The following FBLN2 variants were observed in gnomAD, a reference collection of about 807,000 sequenced individuals.
FBLN2 encodes fibulin 2.
A neutral mutation model predicts 123.7 loss-of-function variants in FBLN2; 81 were observed. The ratio of observed to expected loss-of-function variants is 0.65; its 90% confidence interval spans 0.55 to 0.79. FBLN2 has a LOEUF of 0.79. FBLN2 is among the 30% of genes least tolerant of loss of function. The pLI is 0.00. For synonymous variants in FBLN2, 699 were observed against 701.4 expected, an observed-to-expected ratio of 1.00 and a Z score of 0.05; for missense variants, 1,603 against 1,681.3, an observed-to-expected ratio of 0.95 and a Z score of 0.81.
chr3:13,578,297 CTCAGAGCATTG>C (rs1446384229), intron 2 of FBLN2, among the ~76,000 whole-genome samples: 2 of 152,192 alleles, frequency 1.3e-5, no homozygotes, highest in African/African-American at 4.8e-5. Context: ...AGAATCTAAT[CTCAGAGCATTG>C]TCATCACTCC....
intron 2 of FBLN2, among the ~76,000 whole-genome samples, chr3:13,573,485 G>T (rs1351851449): frequency 6.6e-6 from 1 of 152,068 alleles, no homozygotes; most frequent in Non-Finnish European, 1.5e-5. Context: ...TGTGACTGCT[G>T]GGGTCTCTAT....
In FBLN2 at chr3:13,567,291, C is replaced by T. The variant is rs28391480; in HGVS notation, c.-41-3024C>T. 9.5e-3 allele frequency among the ~76,000 whole-genome samples: 1,449 copies of T among 152,304 alleles called. 27 individuals are homozygous for T. Among genetic ancestry groups the T allele is most frequent in the African/African-American group, 0.033 (1,355 of 41,576 alleles). ...GGGGTACTGTCCTCTCAGGACACAA[C>T]GTTCATGCCTAGGTGTGTGATGCAC... is the stretch of plus-strand genomic sequence containing the variant. On this transcript the variant is annotated intron_variant, in intron 1 of 17. Coordinates refer to ENST00000404922, the MANE Select transcript of FBLN2 (RefSeq NM_001004019.2).
At chr3:13,591,210 A>G (rs1378466056) in intron 2 of FBLN2, among the ~76,000 whole-genome samples, 1 of 152,214 alleles carries the variant, frequency 6.6e-6, no homozygotes, top group African/African-American at 2.4e-5. Context: ...TCATTTGCCT[A>G]TTTTAAAATT....
chr3:13,636,066 T>C (rs147778982), intron 16 of FBLN2, among the ~76,000 whole-genome samples: 152 of 152,206 alleles, frequency 1.0e-3, no homozygotes, highest in African/African-American at 3.3e-3. Context: ...GCAAAGGCCC[T>C]GGGTAGGATA....
rs573052769 is a variant in FBLN2, at chr3:13,630,701, G to A, written c.2971G>A (p.Val991Met). Residue 991 changes from valine (V) to methionine (M), a missense_variant and splice_region_variant, in exon 15 of 18, where the codon GTG (valine) becomes ATG (methionine). Coordinates refer to ENST00000404922, the MANE Select transcript of FBLN2 (RefSeq NM_001004019.2). ...LAADGKRCED[V>M]NECEAQRCSQ... Reference sequence around the variant, plus strand: ...ACTGCCTGCTGGTGTCCCTGCAGACGTGAATGAGTGTGAGGCCCAGCGCTG... The same window carrying A: ...ACTGCCTGCTGGTGTCCCTGCAGACATGAATGAGTGTGAGGCCCAGCGCTG... 2.1e-5 allele frequency: 33 copies of A among 1,600,826 alleles called. No homozygotes were observed. The South Asian group carries it at 2.6e-4, about 13-fold the overall frequency.
intron 1 of FBLN2, among the ~76,000 whole-genome samples, chr3:13,553,737 G>T (rs1703390179): frequency 6.6e-6 from 1 of 152,230 alleles, no homozygotes; most frequent in African/African-American, 2.4e-5. Context: ...GGGCTGTATT[G>T]TAGGCGGCCA....
At chr3:13,586,876 G>C (rs1395813573) in intron 2 of FBLN2, among the ~76,000 whole-genome samples, 1 of 151,152 alleles carries the variant, frequency 6.6e-6, no homozygotes, top group Non-Finnish European at 1.5e-5. Context: ...GGCTGGGTGC[G>C]GTGGCTTATG....
chr3:13,574,859 C>G (rs2124831048), intron 2 of FBLN2, among the ~76,000 whole-genome samples: 1 of 152,314 alleles, frequency 6.6e-6, no homozygotes, highest in African/African-American at 2.4e-5. Context: ...GCCCGATCCC[C>G]CACCCGCTGG....
chr3:13,587,539 C>T (rs759292054), intron 2 of FBLN2, among the ~76,000 whole-genome samples: 6 of 152,156 alleles, frequency 3.9e-5, no homozygotes, highest in Non-Finnish European at 7.4e-5. Flanking sequence ...TTCTAAGGCC[C>T]CCCGCCACCA....
rs917180073 is a variant in FBLN2, at chr3:13,618,067, C to T, written c.1730-9C>T. On this transcript the variant is annotated splice_polypyrimidine_tract_variant and intron_variant, in intron 5 of 17. Coordinates refer to ENST00000404922, the MANE Select transcript of FBLN2 (RefSeq NM_001004019.2). The stretch of plus-strand genomic sequence containing the variant: ...CTGGCTCTGTCTTGAGCTCTAACCC[C>T]TGTCCTAGTTTCAGAGGCAGAGATG... 8.1e-6 allele frequency: 13 copies of T among 1,612,468 alleles called. No homozygotes were observed. Among genetic ancestry groups the T allele is most frequent in the Non-Finnish European group, 1.1e-5 (13 of 1,179,782 alleles).
chr3:13,631,298 G>A (rs767279869), intron 15 of FBLN2, 31 bp from the exon 16 acceptor site: 1 of 1,592,604 alleles, frequency 6.3e-7, no homozygotes, highest in Non-Finnish European at 8.5e-7. Flanking sequence ...GGTGGACGAG[G>A]TTCACCAGGG....
At position 13,637,814 on chromosome 3, in the gene FBLN2, G is replaced by A; in HGVS notation, c.3591G>A (p.Glu1197=). The change falls in exon 18 of 18, where the codon GAG becomes GAA. Residue 1197 remains glutamate, a synonymous_variant. Transcript: ENST00000404922. ...TCTACCTGCAGCGGGCCGTGCTGGA[G>A]CCCCGGGACTTTGCCCTGGACGTGG... ...GVVYLQRAVL[E]PRDFALDVEM... 6.2e-7 allele frequency: 1 copy of A among 1,613,802 alleles called. No homozygotes were observed. Among genetic ancestry groups the A allele is most frequent in the Non-Finnish European group, 8.5e-7 (1 of 1,179,774 alleles).
chr3:13,577,650 G>C (rs532844474), intron 2 of FBLN2, among the ~76,000 whole-genome samples: 1 of 152,346 alleles, frequency 6.6e-6, no homozygotes, highest in South Asian at 2.1e-4. Context: ...CATCCTCTCT[G>C]TTGTCAGTAC....
chr3:13,558,773 CCA>C (rs1703530029), intron 1 of FBLN2, among the ~76,000 whole-genome samples: 3 of 6,676 alleles, frequency 4.5e-4, no homozygotes, highest in Non-Finnish European at 9.7e-4. Flanking sequence ...ATCCATCCAT[CCA>C]TCCACCCATC....
At chr3:13,561,020 A>G (rs1344524282) in intron 1 of FBLN2, among the ~76,000 whole-genome samples, 4 of 152,152 alleles carry the variant, frequency 2.6e-5, no homozygotes, top group African/African-American at 9.7e-5. Context: ...GTAGGGTGGT[A>G]GAGGAAATTC....
chr3:13,633,324 A>G (rs1048789475), intron 16 of FBLN2, among the ~76,000 whole-genome samples: 2 of 152,236 alleles, frequency 1.3e-5, no homozygotes, highest in African/African-American at 4.8e-5. Flanking sequence ...CTCTGTGTTG[A>G]AGAACTGGCG....
chr3:13,631,517 G>A (rs1706258259), intron 16 of FBLN2, 60 bp downstream of exon 16: 1 of 1,519,250 alleles, frequency 6.6e-7, no homozygotes, highest in Non-Finnish European at 8.9e-7. Context: ...GCTCCAAGCA[G>A]GCACAGAAAA....
intron 2 of FBLN2, among the ~76,000 whole-genome samples, chr3:13,599,891 G>C (rs1345139903): frequency 6.6e-6 from 1 of 151,572 alleles, no homozygotes; most frequent in African/African-American, 2.4e-5. Context: ...GGGGGGCGGG[G>C]GCAAGAGGAA....
chr3:13,586,541 AG>A (rs1438933156), intron 2 of FBLN2, among the ~76,000 whole-genome samples: 1 of 144,688 alleles, frequency 6.9e-6, no homozygotes, highest in African/African-American at 2.6e-5. Flanking sequence ...TCTGTCACCC[AG>A]GCTGGAGTGC....
Sources: allele counts gnomAD v4.1 joint callset (sites outside exome capture counted in the v4.1 genomes callset), GRCh38; gene constraint gnomAD v4.1.1; transcripts MANE v1.5; gene names NCBI Gene and HGNC (gene_info 2026-07-23, HGNC 2026-07-21).